The following MAGEA12 variants were observed in gnomAD, a reference collection of about 807,000 sequenced individuals.
MAGEA12 encodes melanoma-associated antigen 12.
For missense variants in MAGEA12, 235 were observed against 240.1 expected (o/e 0.98, Z 0.14); for synonymous variants, 135 against 104.7 (o/e 1.29, Z -1.77).
chrX:152,737,437 A>G lies in MAGEA12; in HGVS notation c.*331A>G, dbSNP rs1193659162. ...GTGTTGTTTTTTATTCAGATTGGGAAATCCATTCCATTTTGTGAATTGTGA... is the reference window on the plus strand; with the variant it reads ...GTGTTGTTTTTTATTCAGATTGGGAGATCCATTCCATTTTGTGAATTGTGA... On this transcript the variant is annotated 3_prime_UTR_variant, in exon 3 of 3. Coordinates refer to ENST00000393869, the MANE Select transcript of MAGEA12 (RefSeq NM_001166387.4). 2 of 369,953 alleles carry G rather than the reference A, an allele frequency of 5.4e-6. No homozygotes were observed. The highest frequency in any genetic ancestry group is 1.0e-5 in the Non-Finnish European group (2 of 193,071). 30.5% of individuals were successfully genotyped at this position (369,953 alleles called of 1,213,427 possible).
chrX:152,734,689 A>T (rs1186843632), intron 1 of MAGEA12, among the ~76,000 whole-genome samples: 1 of 111,866 alleles, frequency 8.9e-6, no homozygotes, highest in Non-Finnish European at 1.9e-5. Flanking sequence ...CCCCATGCTC[A>T]TTGCGACTTC....
rs1932352952 is a variant in MAGEA12, at chrX:152,737,384, G to C, written c.*278G>C. ...TTATGAATGACAGTAGTCACACATAGTGCTGTTTATATAGTTTAGGAGTAA... is the reference window on the plus strand; with the variant it reads ...TTATGAATGACAGTAGTCACACATACTGCTGTTTATATAGTTTAGGAGTAA... On this transcript the variant is annotated 3_prime_UTR_variant, in exon 3 of 3. Transcript: ENST00000393869. 3 of 464,466 alleles carry C rather than the reference G, an allele frequency of 6.5e-6. No individual in the cohort carries two copies. The highest frequency in any genetic ancestry group is 5.2e-5 in the Admixed American group (2 of 38,471). The allele number at this position is 464,466 out of a possible 1,213,427, so 38.3% of individuals were successfully genotyped here. A position where few individuals can be genotyped will look rare whatever the true frequency, so the allele number is the denominator to read the frequency against.
Position 152,736,294 on chromosome X carries a change from C to T in MAGEA12, c.133C>T (p.Leu45=). ...GGAGACTGCCTCCTCCTCCTCTACT[C>T]TAGTGGAAGTCACCCTGCGGGAGGT... is the stretch of plus-strand genomic sequence containing the variant. ...EQETASSSST[L]VEVTLREVPA... is the part of the protein sequence containing the mutation. Residue 45 remains leucine (L), a synonymous_variant, in exon 3 of 3, where the codon CTA becomes TTA. Transcript: ENST00000393869. 8.3e-7 allele frequency: 1 copy of T among 1,211,615 alleles called. No individual in the cohort carries two copies. The highest frequency in any genetic ancestry group is 1.1e-6 in the Non-Finnish European group (1 of 895,344).
chrX:152,737,207 G>A lies in MAGEA12; in HGVS notation c.*101G>A. On this transcript the variant is annotated 3_prime_UTR_variant, in exon 3 of 3. Transcript: ENST00000393869. ...GTTTCCACTGCCTCGTGTGACATGA[G>A]GCCCATTCTTCACTCTTTGAAGAGA... is the stretch of plus-strand genomic sequence containing the variant. 1.2e-6 allele frequency: 1 copy of A among 845,100 alleles called. No homozygotes were observed. Among genetic ancestry groups the A allele is most frequent in the Non-Finnish European group, 1.7e-6 (1 of 573,139 alleles). The allele number at this position is 845,100 out of a possible 1,213,427, so 69.6% of individuals were successfully genotyped here. A position where few individuals can be genotyped will look rare whatever the true frequency, so the allele number is the denominator to read the frequency against.
intron 2 of MAGEA12, 58 bp downstream of exon 2, chrX:152,735,311 C>A: frequency 8.2e-6 from 1 of 121,655 alleles, no homozygotes. Context: ...GACAGAGGGC[C>A]CCACAGAAAT....
In MAGEA12 at chrX:152,737,278, T is replaced by C. The variant is rs1294128332; in HGVS notation, c.*172T>C. On this transcript the variant is annotated 3_prime_UTR_variant, in exon 3 of 3. Transcript: ENST00000393869. ...TGAGTTTCTGTTCTATTGGATGACT[T>C]TGAGATTTATCTTTGTTTCCTGTTG... is the stretch of plus-strand genomic sequence containing the variant. 1.8e-6 allele frequency: 1 copy of C among 570,962 alleles called. No individual in the cohort carries two copies. Among genetic ancestry groups the C allele is most frequent in the African/African-American group, 2.2e-5 (1 of 44,696 alleles). The allele number at this position is 570,962 out of a possible 1,213,427, so 47.1% of individuals were successfully genotyped here.
At chrX:152,735,936 G>GT (rs1412341200) in intron 2 of MAGEA12, among the ~76,000 whole-genome samples, 151 bp from the exon 3 acceptor site, 2 of 112,590 alleles carry the variant, frequency 1.8e-5, no homozygotes, top group African/African-American at 6.5e-5. Flanking sequence ...AACACTGAAG[G>GT]TTTGCCTTGA....
In MAGEA12 at chrX:152,737,190, T is replaced by C. The variant is rs1932347556; in HGVS notation, c.*84T>C. ...CAAGGCCCCATCCATTAGTTTCCAC[T>C]GCCTCGTGTGACATGAGGCCCATTC... is the stretch of plus-strand genomic sequence containing the variant. On this transcript the variant is annotated 3_prime_UTR_variant, in exon 3 of 3. Coordinates refer to ENST00000393869, the MANE Select transcript of MAGEA12 (RefSeq NM_001166387.4). 4 of 947,276 alleles carry C rather than the reference T, an allele frequency of 4.2e-6. No individual in the cohort carries two copies. Among genetic ancestry groups the C allele is most frequent in the Non-Finnish European group, 6.0e-6 (4 of 666,393 alleles). 78.1% of individuals were successfully genotyped at this position (947,276 alleles called of 1,213,427 possible).
chrX:152,737,269 TG>T lies in MAGEA12; in HGVS notation c.*165del. On this transcript the variant is annotated 3_prime_UTR_variant, in exon 3 of 3. Transcript: ENST00000393869. ...TGTTAGTAGTGAGTTTCTGTTCTATTGGATGACTTTGAGATTTATCTTTGTT... is the reference window on the plus strand; with the variant it reads ...TGTTAGTAGTGAGTTTCTGTTCTATTGATGACTTTGAGATTTATCTTTGTT... 1 of 583,058 alleles carries T rather than the reference TG, an allele frequency of 1.7e-6. No homozygotes were observed. The highest frequency in any genetic ancestry group is 2.9e-6 in the Non-Finnish European group (1 of 339,647). 48.1% of individuals were successfully genotyped at this position (583,058 alleles called of 1,213,427 possible).
intron 2 of MAGEA12, among the ~76,000 whole-genome samples, chrX:152,735,701 C>T (rs1372566744): frequency 8.9e-6 from 1 of 112,193 alleles, no homozygotes; most frequent in Non-Finnish European, 1.9e-5. Flanking sequence ...GGTGAGGGCC[C>T]TGAGTGAGCA....
In MAGEA12 at chrX:152,736,313, G is replaced by A. The variant is rs1488921787; in HGVS notation, c.152G>A (p.Arg51Gln). ...SSSTLVEVTL[R>Q]EVPAAESPSP... ...TCTACTCTAGTGGAAGTCACCCTGC[G>A]GGAGGTGCCTGCTGCCGAGTCACCA... Residue 51 changes from arginine to glutamine, a missense_variant, in exon 3 of 3, where the codon CGG becomes CAG. Physicochemically the swap from Arg to Gln is conservative, Grantham distance 43. Transcript: ENST00000393869. The A allele has an allele frequency of 1.8e-5, 22 of 1,211,443 alleles. No homozygotes were observed. The highest frequency in any genetic ancestry group is 1.1e-4 in the Admixed American group (5 of 46,044).
chrX:152,737,078 A>C lies in MAGEA12; in HGVS notation c.917A>C (p.Glu306Ala). ...CACATTTCCTACCCACCCCTGCATG[A>C]ATGGGCTTTTAGAGAGGGGGAAGAG... ...GPHISYPPLH[E>A]WAFREGEE The change falls in exon 3 of 3, where the codon GAA (glutamate) becomes GCA (alanine). Residue 306 changes from glutamate to alanine, a missense_variant. Glu to Ala is a moderately radical substitution (Grantham distance 107). Transcript: ENST00000393869. The C allele has an allele frequency of 8.3e-7, 1 of 1,211,308 alleles. No homozygotes were observed. Among genetic ancestry groups the C allele is most frequent in the Non-Finnish European group, 1.1e-6 (1 of 895,205 alleles).
In MAGEA12 at chrX:152,737,020, C is replaced by T. The variant is rs782439959; in HGVS notation, c.859C>T (p.Leu287=). The change falls in exon 3 of 3, where the codon CTG becomes TTG. Residue 287 remains leucine (L), a synonymous_variant. Coordinates refer to ENST00000393869, the MANE Select transcript of MAGEA12 (RefSeq NM_001166387.4). ...CGTTGAAACCAGCTATGTGAAAGTCCTGCACCATTTGCTAAAGATCAGTGG... is the reference window on the plus strand; with the variant it reads ...CGTTGAAACCAGCTATGTGAAAGTCTTGCACCATTTGCTAAAGATCAGTGG... ...ALVETSYVKV[L]HHLLKISGGP... 1.8e-5 allele frequency: 22 copies of T among 1,211,966 alleles called. No homozygotes were observed. The highest frequency in any genetic ancestry group is 3.0e-5 in the East Asian group (1 of 33,844).
At chrX:152,735,883 C>T (rs1488085995) in intron 2 of MAGEA12, among the ~76,000 whole-genome samples, 1 of 112,455 alleles carries the variant, frequency 8.9e-6, no homozygotes, top group Non-Finnish European at 1.9e-5. Context: ...TGGTCTGAGG[C>T]AGTGTCCTGA....
intron 1 of MAGEA12, chrX:152,734,137 C>CG (rs1356347184): frequency 9.5e-6 from 1 of 104,862 alleles, no homozygotes; most frequent in African/African-American, 3.5e-5. Flanking sequence ...TGAGGGTAAC[C>CG]CCCCGCACCC....
chrX:152,736,469 C>T lies in MAGEA12; in HGVS notation c.308C>T (p.Thr103Met), dbSNP rs781951612. 1.9e-5 allele frequency: 23 copies of T among 1,210,161 alleles called. No individual in the cohort carries two copies. In the East Asian group the frequency reaches 2.4e-4, roughly 12 times the overall value. Residue 103 changes from threonine to methionine, a missense_variant, in exon 3 of 3, where the codon ACG becomes ATG. Thr to Met is a moderately conservative substitution (Grantham distance 81). Coordinates refer to ENST00000393869, the MANE Select transcript of MAGEA12 (RefSeq NM_001166387.4). ...CCAAGCACCTTTCCTGACCTGGAGA[C>T]GAGCTTCCAAGTAGCACTCAGTAGG... is the stretch of plus-strand genomic sequence containing the variant. Reference protein sequence around the residue: ...EGPSTFPDLETSFQVALSRKM... With the variant: ...EGPSTFPDLEMSFQVALSRKM...
At position 152,736,310 on chromosome X, in the gene MAGEA12, T is replaced by C. The variant is rs1261911241; in HGVS notation, c.149T>C (p.Leu50Pro). The C allele has an allele frequency of 1.1e-5, 13 of 1,209,298 alleles. No homozygotes were observed. Among genetic ancestry groups the C allele is most frequent in the Admixed American group, 2.2e-5 (1 of 45,769 alleles). The change falls in exon 3 of 3, where the codon CTG becomes CCG. Residue 50 changes from leucine to proline, a missense_variant. Coordinates refer to ENST00000393869, the MANE Select transcript of MAGEA12 (RefSeq NM_001166387.4). ...SSSSTLVEVT[L>P]REVPAAESPS... ...TCCTCTACTCTAGTGGAAGTCACCC[T>C]GCGGGAGGTGCCTGCTGCCGAGTCA...
At position 152,736,135 on chromosome X, in the gene MAGEA12, C is replaced by A. The variant is rs1556226182; in HGVS notation, c.-27C>A. The A allele has an allele frequency of 8.3e-7, 1 of 1,202,248 alleles. No individual in the cohort carries two copies. The highest frequency in any genetic ancestry group is 1.1e-6 in the Non-Finnish European group (1 of 890,124). On this transcript the variant is annotated 5_prime_UTR_variant, in exon 3 of 3. Coordinates refer to ENST00000393869, the MANE Select transcript of MAGEA12 (RefSeq NM_001166387.4). ...GCAGCACTAGCTCCTGCCCACACTC[C>A]TACCTGCTGCCCTGACCAGAGTCAT...
In MAGEA12 at chrX:152,737,031, G is replaced by A. The variant is rs781903104; in HGVS notation, c.870G>A (p.Leu290=). ...ETSYVKVLHH[L]LKISGGPHIS... ...GCTATGTGAAAGTCCTGCACCATTT[G>A]CTAAAGATCAGTGGAGGACCTCACA... The change falls in exon 3 of 3, where the codon TTG becomes TTA. Residue 290 remains leucine (L), a synonymous_variant. Coordinates refer to ENST00000393869, the MANE Select transcript of MAGEA12 (RefSeq NM_001166387.4). The A allele has an allele frequency of 1.2e-5, 15 of 1,211,930 alleles. No individual in the cohort carries two copies. The highest frequency in any genetic ancestry group is 2.2e-5 in the Admixed American group (1 of 46,066).
Sources: gnomAD v4.1 joint callset for allele counts (sites outside exome capture counted in the v4.1 genomes callset) on GRCh38, gnomAD v4.1.1 for gene constraint, MANE v1.5 for transcripts, NCBI Gene and HGNC (gene_info 2026-07-23, HGNC 2026-07-21) for gene names.